The following BRD4 variants were observed in gnomAD, a reference collection of about 807,000 sequenced individuals.
The protein encoded by BRD4 is bromodomain-containing protein 4.
BRD4 carries 16 observed loss-of-function variants against 142.1 expected under a neutral mutation model. The ratio of observed to expected loss-of-function variants is 0.11; its 90% confidence interval spans 0.08 to 0.17. BRD4 has a LOEUF of 0.17. BRD4 is among the 10% of genes least tolerant of loss of function. The pLI is 1.00. For missense variants in BRD4, 1,424 were observed against 1,810.9 expected (o/e 0.79, Z 3.88); for synonymous variants, 833 against 707.5 (o/e 1.18, Z -2.82).
intron 1 of BRD4, among the ~76,000 whole-genome samples, chr19:15,321,385 T>C (rs1435617932): frequency 3.3e-5 from 5 of 151,108 alleles, no homozygotes; most frequent in African/African-American, 1.2e-4. Flanking sequence ...CTGCTGGAGC[T>C]ACCACTTGGG....
In BRD4 at chr19:15,238,884, T is replaced by C. The variant is rs772586063; in HGVS notation, c.3879A>G (p.Gln1293=). ...QEQQQQQRQE[Q]QQQQQQQAAA... ...CTGCTTGCTGTTGCTGCTGCTGCTG[T>C]TGCTCCTGGCGCTGCTGCTGCTGCT... Residue 1293 remains glutamine (Q), a synonymous_variant, in exon 19 of 20, where the codon CAA becomes CAG. Coordinates refer to ENST00000679869, the MANE Select transcript of BRD4 (RefSeq NM_001379291.1). The surrounding 1 kb of genome is among the most constrained non-coding windows in gnomAD (Gnocchi z 7.2). 6 of 1,598,134 alleles carry C rather than the reference T, an allele frequency of 3.8e-6. No individual in the cohort carries two copies. Among genetic ancestry groups the C allele is most frequent in the Non-Finnish European group, 4.3e-6 (5 of 1,173,176 alleles).
Position 15,238,589 on chromosome 19 carries a change from C to CA in BRD4, c.4021-145dup. On this transcript the variant is annotated intron_variant, in intron 19 of 19. Transcript: ENST00000679869. This position sits in a 1 kb window ranked among gnomAD's most constrained non-coding sequence, Gnocchi z 7.2. ...GCGCTCACCCCGTCCACACAGCACTCAGGGCCCTACAGCTGAGTCCAGAGG... is the reference window on the plus strand; with the variant it reads ...GCGCTCACCCCGTCCACACAGCACTCAAGGGCCCTACAGCTGAGTCCAGAGG... 1 of 1,493,874 alleles carries CA rather than the reference C, an allele frequency of 6.7e-7. No homozygotes were observed. Among genetic ancestry groups the CA allele is most frequent in the East Asian group, 2.4e-5 (1 of 41,140 alleles). 92.5% of individuals were successfully genotyped at this position (1,493,874 alleles called of 1,614,324 possible). A position where few individuals can be genotyped will look rare whatever the true frequency, so the allele number is the denominator to read the frequency against.
chr19:15,330,703 G>A (rs1168754543), intron 1 of BRD4, among the ~76,000 whole-genome samples: 4 of 152,142 alleles, frequency 2.6e-5, no homozygotes, highest in Admixed American at 2.6e-4. Flanking sequence ...GGAGGCAGAG[G>A]TTGCAGTGAG....
intron 1 of BRD4, among the ~76,000 whole-genome samples, chr19:15,319,040 A>G (rs185915172): frequency 1.3e-5 from 2 of 152,344 alleles, no homozygotes; most frequent in East Asian, 3.9e-4. Flanking sequence ...AGTAAGATAC[A>G]TGTGAAAACC....
chr19:15,276,566 T>C (rs1347363224), intron 1 of BRD4, among the ~76,000 whole-genome samples: 3 of 152,130 alleles, frequency 2.0e-5, no homozygotes, highest in Admixed American at 6.5e-5. Flanking sequence ...CTGAGTTCCA[T>C]GGTCAGCCCC....
intron 10 of BRD4, 109 bp downstream of exon 10, chr19:15,255,188 G>T: frequency 9.0e-7 from 1 of 1,115,908 alleles, no homozygotes; most frequent in Non-Finnish European, 1.2e-6. Flanking sequence ...TATTATAATT[G>T]GAAAAAAAAA....
chr19:15,280,123 TAAA>T (rs1000956330), intron 1 of BRD4: 1 of 454,812 alleles, frequency 2.2e-6, no homozygotes, highest in Non-Finnish European at 2.9e-6. Flanking sequence ...ACAACAACCC[TAAA>T]AAGCAGGCTG....
intron 1 of BRD4, among the ~76,000 whole-genome samples, chr19:15,320,896 C>T (rs1251312566): frequency 6.6e-6 from 1 of 152,230 alleles, no homozygotes; most frequent in Non-Finnish European, 1.5e-5. Context: ...TTTCAGCCAT[C>T]CATAATTTCT....
intron 6 of BRD4, 37 bp downstream of exon 6, chr19:15,264,367 C>A (rs555861573): frequency 3.9e-6 from 6 of 1,557,440 alleles, no homozygotes. Context: ...GGACAGCCTG[C>A]CCACCTTGTC....
At chr19:15,269,593 A>G (rs949586022) in intron 2 of BRD4, among the ~76,000 whole-genome samples, 2 of 152,174 alleles carry the variant, frequency 1.3e-5, no homozygotes, top group South Asian at 4.1e-4. Flanking sequence ...AATTCACTGG[A>G]CTTAACGTTT....
At chr19:15,267,921 A>C (rs755205126) in intron 3 of BRD4, among the ~76,000 whole-genome samples, 3 of 152,192 alleles carry the variant, frequency 2.0e-5, no homozygotes, top group Non-Finnish European at 4.4e-5. Flanking sequence ...ATTTCTTGCC[A>C]TGATACATTA....
At chr19:15,295,744 G>A (rs2047817590) in intron 1 of BRD4, among the ~76,000 whole-genome samples, 1 of 152,266 alleles carries the variant, frequency 6.6e-6, no homozygotes, top group Non-Finnish European at 1.5e-5. Flanking sequence ...GCCGAGGCAG[G>A]TGGATCACCT....
chr19:15,301,851 G>C (rs2047870770), intron 1 of BRD4, among the ~76,000 whole-genome samples: 1 of 135,672 alleles, frequency 7.4e-6, no homozygotes, highest in Non-Finnish European at 1.5e-5. Context: ...GACAGAGCGA[G>C]ACTCCGTCTC....
At chr19:15,325,687 C>A (rs752935552) in intron 1 of BRD4, among the ~76,000 whole-genome samples, 1 of 151,910 alleles carries the variant, frequency 6.6e-6, no homozygotes, top group Non-Finnish European at 1.5e-5. Context: ...AAATATACAC[C>A]TCCCAATTCA....
chr19:15,330,798 AAC>A (rs1388934339), intron 1 of BRD4, among the ~76,000 whole-genome samples: 1 of 152,188 alleles, frequency 6.6e-6, no homozygotes, highest in Non-Finnish European at 1.5e-5. Context: ...AAGATCATAA[AAC>A]AGATTGTGCC....
intron 1 of BRD4, among the ~76,000 whole-genome samples, chr19:15,314,310 C>A (rs1022741917): frequency 6.6e-6 from 1 of 152,146 alleles, no homozygotes; most frequent in Non-Finnish European, 1.5e-5. Flanking sequence ...TTTCTAGCCT[C>A]CAAGAACAGA....
At chr19:15,310,305 C>G (rs548259796) in intron 1 of BRD4, among the ~76,000 whole-genome samples, 1 of 141,610 alleles carries the variant, frequency 7.1e-6, no homozygotes, top group African/African-American at 2.6e-5. Context: ...CCTCCGCCTC[C>G]TGGGTGACTG....
chr19:15,243,586 C>T, intron 13 of BRD4, 99 bp from the exon 14 acceptor site: 1 of 1,410,108 alleles, frequency 7.1e-7, no homozygotes, highest in South Asian at 1.6e-5. Flanking sequence ...CCAGTGCTCT[C>T]CTACTGGCCT....
At chr19:15,246,539 G>A (rs1429311888) in intron 11 of BRD4, 1 of 152,182 alleles carries the variant, frequency 6.6e-6, no homozygotes, top group Admixed American at 6.5e-5. Flanking sequence ...AGAGTTGAGG[G>A]AAAAAGTGTG....
Sources: gnomAD v4.1 joint callset for allele counts (sites outside exome capture counted in the v4.1 genomes callset) on GRCh38, gnomAD v4.1.1 for gene constraint, Gnocchi (gnomAD v3.1) non-coding constraint, MANE v1.5 for transcripts, NCBI Gene and HGNC (gene_info 2026-07-23, HGNC 2026-07-21) for gene names.